TMEM183A: variants seen among roughly 807,000 people sequenced by gnomAD.
The protein encoded by TMEM183A is transmembrane protein 183A, also known as chromosome 1 open reading frame 37.
TMEM183A carries 21 observed loss-of-function variants against 46.7 expected under a neutral mutation model. The ratio of observed to expected loss-of-function variants is 0.45; its 90% CI spans 0.32 to 0.65. The LOEUF is 0.65. TMEM183A is among the 30% of genes least tolerant of loss of function. TMEM183A has a pLI of 0.04. For synonymous variants in TMEM183A, 165 were observed against 180.2 expected (o/e 0.92, Z 0.68); for missense variants, 331 against 481.9 (o/e 0.69, Z 2.93).
At chr1:203,017,417 G>A (rs976919952) in intron 5 of TMEM183A, among the ~76,000 whole-genome samples, 10 of 152,184 alleles carry the variant, frequency 6.6e-5, no homozygotes, top group African/African-American at 2.4e-4. Flanking sequence ...CACAATGCAA[G>A]TGCTACTGCC....
At position 203,014,932 on chromosome 1, in the gene TMEM183A, T is replaced by C; in HGVS notation, c.411T>C (p.Ile137=). 1 of 1,613,970 alleles carries C rather than the reference T, an allele frequency of 6.2e-7. No individual in the cohort carries two copies. The change falls in exon 4 of 8, where the codon ATT becomes ATC. Residue 137 remains isoleucine, a synonymous_variant. Transcript: ENST00000367242. ...GAGGEEYPMD[I]WLLLASYIRP... ...GAGGAGAAGAGTATCCCATGGATAT[T>C]TGGCTATTGCTGGCCTCCTATATCC...
rs1325398663 is a variant in TMEM183A, at chr1:203,018,580, GTTTTTCA to G, written c.789+20_789+26del. 6 of 1,605,628 alleles carry G rather than the reference GTTTTTCA, an allele frequency of 3.7e-6. No individual in the cohort carries two copies. Among genetic ancestry groups the G allele is most frequent in the Middle Eastern group, 1.7e-4 (1 of 5,982 alleles). On this transcript the variant is annotated intron_variant, in intron 6 of 7. Transcript: ENST00000367242. ...AAAACAGGTACGTGGTCTTCTCTTT[GTTTTTCA>G]GATAATACCTTGTTCTAAGAGATTT...
chr1:203,015,606 G>T, intron 4 of TMEM183A: 1 of 245,984 alleles, frequency 4.1e-6, no homozygotes, highest in African/African-American at 2.3e-5. Context: ...AAGGAGTGGA[G>T]AACTCACTGT....
In TMEM183A at chr1:203,017,622, C is replaced by G. The variant is rs1384516635; in HGVS notation, c.709-859C>G. 3 of 479,936 alleles carry G rather than the reference C, an allele frequency of 6.3e-6. No individual in the cohort carries two copies. The East Asian group carries it at 4.6e-4, about 73-fold the overall frequency. The allele number at this position is 479,936 out of a possible 1,614,324, so 29.7% of individuals were successfully genotyped here. Reference sequence around the variant, plus strand: ...TATGGGGCCTGCAGTGGCAGATATCCCGTGCATGGCCTTGCCACTTGTATA... The same window carrying G: ...TATGGGGCCTGCAGTGGCAGATATCGCGTGCATGGCCTTGCCACTTGTATA... On this transcript the variant is annotated intron_variant, in intron 5 of 7. Transcript: ENST00000367242.
chr1:203,014,802 T>C, intron 3 of TMEM183A, 87 bp from the exon 4 acceptor site: 2 of 1,535,040 alleles, frequency 1.3e-6, no homozygotes. Context: ...TTCTTAACTG[T>C]GCAATCAATC....
chr1:203,015,614 T>G (rs1657094436), intron 4 of TMEM183A: 1 of 247,860 alleles, frequency 4.0e-6, no homozygotes. Flanking sequence ...GAGAACTCAC[T>G]GTGAGATCTG....
chr1:203,007,905 CAG>C, intron 2 of TMEM183A, 42 bp downstream of exon 2: 1 of 1,611,004 alleles, frequency 6.2e-7, no homozygotes, highest in Admixed American at 1.7e-5. Context: ...GCCGCGAAGA[CAG>C]AACTAGGTAT....
intron 3 of TMEM183A, among the ~76,000 whole-genome samples, chr1:203,012,229 ACTCCAT>A (rs1656709267): frequency 1.3e-5 from 1 of 77,508 alleles, no homozygotes; most frequent in Non-Finnish European, 2.5e-5. Flanking sequence ...ATTACTCCCC[ACTCCAT>A]CACACACACA....
Position 203,011,661 on chromosome 1 carries a change from G to A in TMEM183A, c.367+2851G>A, listed in dbSNP as rs151062332. 6.5e-3 allele frequency among the ~76,000 whole-genome samples: 989 copies of A among 152,128 alleles called. 15 individuals carry two copies. The highest frequency in any genetic ancestry group is 0.023 in the African/African-American group (960 of 41,500). On this transcript the variant is annotated intron_variant, in intron 3 of 7. Transcript: ENST00000367242. ...AGACCTCCGGTGATCCACCTGCCTC[G>A]GCCTCCCAAAGTGTTGGGTTTACAG...
chr1:203,015,086 C>G (rs760415081), intron 4 of TMEM183A, 38 bp downstream of exon 4: 26 of 1,603,604 alleles, frequency 1.6e-5, no homozygotes, highest in South Asian at 7.7e-5. Flanking sequence ...ATCTGTGTGG[C>G]TGATTTCATT....
chr1:203,016,362 C>T (rs1657169898), intron 5 of TMEM183A: 1 of 592,978 alleles, frequency 1.7e-6, no homozygotes, highest in Admixed American at 3.0e-5. Context: ...TTAGTGTATT[C>T]CTTATTCTTT....
Position 203,007,539 on chromosome 1 carries a change from T to C in TMEM183A, c.74T>C (p.Leu25Pro). ...GCCATGCCCAAGAGAGGAAAGCGAC[T>C]CAAGTTCCGGGCCCACGACGCCTGC... is the stretch of plus-strand genomic sequence containing the variant. Reference protein sequence around the residue: ...TVAMPKRGKRLKFRAHDACSG... With the variant: ...TVAMPKRGKRPKFRAHDACSG... Residue 25 changes from leucine (L) to proline (P), a missense_variant, in exon 1 of 8, where the codon CTC becomes CCC. Physicochemically the swap from Leu to Pro is moderately conservative, Grantham distance 98. Around this residue, in one of 2 missense-constraint regions of TMEM183A, gnomAD observed 98 missense variants for 96.1 expected, o/e 1.02. Coordinates refer to ENST00000367242, the MANE Select transcript of TMEM183A (RefSeq NM_138391.6). 3 of 1,547,788 alleles carry C rather than the reference T, an allele frequency of 1.9e-6. No individual in the cohort carries two copies. The highest frequency in any genetic ancestry group is 2.6e-6 in the Non-Finnish European group (3 of 1,152,624).
chr1:203,021,877 T>C lies in TMEM183A; in HGVS notation c.945+929T>C, dbSNP rs4950873. Among the ~76,000 whole-genome samples, 1,385 of 152,298 alleles carry C rather than the reference T, an allele frequency of 9.1e-3. 51 individuals carry two copies. The highest frequency in any genetic ancestry group is 0.069 in the Admixed American group (1,061 of 15,296). ...GTTCCCCTTCCACAATGAAAGTAGC[T>C]TTTTTAAAATGGTAAATGACTTCAA... On this transcript the variant is annotated intron_variant, in intron 7 of 7. Coordinates refer to ENST00000367242, the MANE Select transcript of TMEM183A (RefSeq NM_138391.6).
At position 203,013,672 on chromosome 1, in the gene TMEM183A, C is replaced by T. The variant is rs1047037785; in HGVS notation, c.368-1217C>T. On this transcript the variant is annotated intron_variant, in intron 3 of 7. Transcript: ENST00000367242. This position sits in a 1 kb window ranked among gnomAD's most constrained non-coding sequence, Gnocchi z 4.0. Reference sequence around the variant, plus strand: ...AACTACAGGCAGCTGCCACCACGCCCGGCTAATTTTTTTGTATTTTTTAGT... The same window carrying T: ...AACTACAGGCAGCTGCCACCACGCCTGGCTAATTTTTTTGTATTTTTTAGT... 1.2e-4 allele frequency among the ~76,000 whole-genome samples: 18 copies of T among 152,038 alleles called. No individual in the cohort carries two copies. The highest frequency in any genetic ancestry group is 1.5e-4 in the African/African-American group (6 of 41,364).
Position 203,013,309 on chromosome 1 carries a change from G to A in TMEM183A, c.368-1580G>A, listed in dbSNP as rs920188449. 1.3e-5 allele frequency among the ~76,000 whole-genome samples: 2 copies of A among 152,332 alleles called. No individual in the cohort carries two copies. The highest frequency in any genetic ancestry group is 1.9e-4 in the East Asian group (1 of 5,186). The stretch of plus-strand genomic sequence containing the variant: ...TAGGGGCTTTTTCCCCAGGAAGGAA[G>A]AAAGCTGGTCATTTTAGGATAGTTC... On this transcript the variant is annotated intron_variant, in intron 3 of 7. Coordinates refer to ENST00000367242, the MANE Select transcript of TMEM183A (RefSeq NM_138391.6). This position sits in a 1 kb window ranked among gnomAD's most constrained non-coding sequence, Gnocchi z 4.0.
rs955759097 is a variant in TMEM183A at position 203,023,944 on chromosome 1, T to G, written c.*904T>G. On this transcript the variant is annotated 3_prime_UTR_variant, in exon 8 of 8. Transcript: ENST00000367242. Reference sequence around the variant, plus strand: ...GTAAAAGGGTAAGTAAAAAATTGATTGTGGTATATGTTATTCTAATCAGCC... The same window carrying G: ...GTAAAAGGGTAAGTAAAAAATTGATGGTGGTATATGTTATTCTAATCAGCC... 4 of 152,212 alleles carry G rather than the reference T, an allele frequency of 2.6e-5. No individual in the cohort carries two copies. The highest frequency in any genetic ancestry group is 5.9e-5 in the Non-Finnish European group (4 of 68,042). 9.4% of individuals were successfully genotyped at this position (152,212 alleles called of 1,614,324 possible). A position where few individuals can be genotyped will look rare whatever the true frequency, so the allele number is the denominator to read the frequency against.
chr1:203,008,864 A>C, intron 3 of TMEM183A, 54 bp downstream of exon 3: 1 of 1,471,224 alleles, frequency 6.8e-7, no homozygotes, highest in Non-Finnish European at 9.1e-7. Context: ...TGACAAATTG[A>C]AGATGTTACT....
chr1:203,014,873 C>CT lies in TMEM183A; in HGVS notation c.368-8dup, dbSNP rs568311858. ...ATGGTGTAGAAGATCAGAGATTATT[C>CT]TTTTTTTTGTTTCAGAAGAACTGGA... is the stretch of plus-strand genomic sequence containing the variant. On this transcript the variant is annotated splice_polypyrimidine_tract_variant and intron_variant, in intron 3 of 7. Coordinates refer to ENST00000367242, the MANE Select transcript of TMEM183A (RefSeq NM_138391.6). 2.4e-4 allele frequency: 381 copies of CT among 1,612,358 alleles called. 6 individuals are homozygous for CT. The South Asian group carries it at 3.6e-3, about 15-fold the overall frequency.
chr1:203,020,804 A>G lies in TMEM183A; in HGVS notation c.801A>G (p.Leu267=). Residue 267 remains leucine, a synonymous_variant, in exon 7 of 8, where the codon TTA becomes TTG. Transcript: ENST00000367242. Reference sequence around the variant, plus strand: ...TCAGTTCTCTTCAGTCCCCTAGGTTAAAGAGCAAGTGTACAGGAGGATTGC... The same window carrying G: ...TCAGTTCTCTTCAGTCCCCTAGGTTGAAGAGCAAGTGTACAGGAGGATTGC... ...NFKFKKQSPR[L]KSKCTGGLQP... 1 of 1,613,862 alleles carries G rather than the reference A, an allele frequency of 6.2e-7. No individual in the cohort carries two copies. Among genetic ancestry groups the G allele is most frequent in the Non-Finnish European group, 8.5e-7 (1 of 1,179,868 alleles).
Sources: gnomAD v4.1 joint callset for allele counts (sites outside exome capture counted in the v4.1 genomes callset) on GRCh38, gnomAD v4.1.1 for gene constraint, gnomAD v4.1.1 regional missense constraint, Gnocchi (gnomAD v3.1) non-coding constraint, MANE v1.5 for transcripts, NCBI Gene and HGNC (gene_info 2026-07-23, HGNC 2026-07-21) for gene names.